Variants in TRMT13 observed in about 807,000 individuals in gnomAD.
TRMT13 encodes the protein tRNA methyltransferase 13, also known as tRNA:m(4)X modification enzyme TRM13 homolog.
A neutral mutation model predicts 55.9 loss-of-function variants in TRMT13; 45 were observed. That is an observed-to-expected ratio of 0.80 (90% CI 0.63 to 1.03). TRMT13 has a LOEUF of 1.03. Ranked by LOEUF, TRMT13 falls within the 50% of genes least tolerant of loss-of-function variation. The probability of loss-of-function intolerance (pLI) is 0.00; values close to 1 mark genes in which losing one functional copy is unlikely to be tolerated. For synonymous variants in TRMT13, 183 were observed against 196.3 expected, an observed-to-expected ratio of 0.93 and a Z score of 0.57; for missense variants, 513 against 563.9, an observed-to-expected ratio of 0.91 and a Z score of 0.91.
rs775900166 is a variant in TRMT13, at chr1:100,147,922, C to T, written c.846C>T (p.Thr282=). 6.2e-7 allele frequency: 1 copy of T among 1,609,832 alleles called. No homozygotes were observed. The highest frequency in any genetic ancestry group is 8.5e-7 in the Non-Finnish European group (1 of 1,178,218). The change falls in exon 10 of 11, where the codon ACC becomes ACT. Residue 282 remains threonine, a synonymous_variant. Coordinates refer to ENST00000370141, the MANE Select transcript of TRMT13 (RefSeq NM_019083.3). ...TTGCATTACGATGTTTGGTTGAAACCTATGCTGCCAGTTTTGAGGAAAGGA... is the reference window on the plus strand; with the variant it reads ...TTGCATTACGATGTTTGGTTGAAACTTATGCTGCCAGTTTTGAGGAAAGGA... ...TDLALRCLVE[T]YAASFEERNE... is the part of the protein sequence containing the mutation.
chr1:100,135,549 G>A (rs1655718484), intron 1 of TRMT13, among the ~76,000 whole-genome samples: 1 of 152,084 alleles, frequency 6.6e-6, no homozygotes, highest in African/African-American at 2.4e-5. Context: ...GTTTTGTTTT[G>A]TTAACTATTA....
chr1:100,144,840 CT>C (rs1557913203), intron 9 of TRMT13, among the ~76,000 whole-genome samples: 1 of 152,166 alleles, frequency 6.6e-6, no homozygotes, highest in Admixed American at 6.6e-5. Flanking sequence ...ATCTTCCTAA[CT>C]TTTGCTAGTT....
In TRMT13 at chr1:100,148,935, CT is replaced by C; in HGVS notation, c.*116del. On this transcript the variant is annotated 3_prime_UTR_variant, in exon 11 of 11. Coordinates refer to ENST00000370141, the MANE Select transcript of TRMT13 (RefSeq NM_019083.3). ...CAAATAATATGAACTTTAAAAAATG[CT>C]GTGGCCTCATTAAACTTTGGTAATA... The C allele has an allele frequency of 8.5e-7, 1 of 1,178,726 alleles. No homozygotes were observed. The highest frequency in any genetic ancestry group is 2.3e-5 in the South Asian group (1 of 42,582). 73.0% of individuals were successfully genotyped at this position (1,178,726 alleles called of 1,614,324 possible).
intron 8 of TRMT13, among the ~76,000 whole-genome samples, chr1:100,143,613 TC>T (rs1266746267): frequency 6.6e-6 from 1 of 152,120 alleles, no homozygotes; most frequent in African/African-American, 2.4e-5. Context: ...AAAAGATACT[TC>T]CTAGAATTTT....
At position 100,149,017 on chromosome 1, in the gene TRMT13, C is replaced by T. The variant is rs781269985; in HGVS notation, c.*197C>T. ...TTAGAGAATTCACCAAAGTAATCCT[C>T]TTTAGAAGGGCATCTTGAATTATAT... On this transcript the variant is annotated 3_prime_UTR_variant, in exon 11 of 11. Transcript: ENST00000370141. 1.1e-5 allele frequency: 17 copies of T among 1,550,204 alleles called. No individual in the cohort carries two copies. The South Asian group carries it at 2.0e-4, about 18-fold the overall frequency.
intron 3 of TRMT13, among the ~76,000 whole-genome samples, chr1:100,137,351 A>G (rs1570731697): frequency 6.6e-6 from 1 of 151,832 alleles, no homozygotes; most frequent in Non-Finnish European, 1.5e-5. Flanking sequence ...AAACGACACC[A>G]CACCTGGCTT....
intron 3 of TRMT13, among the ~76,000 whole-genome samples, chr1:100,138,956 GTGTT>G (rs781408521): frequency 3.9e-5 from 6 of 152,088 alleles, no homozygotes; most frequent in Non-Finnish European, 7.4e-5. Flanking sequence ...TTCATTATGT[GTGTT>G]TGTTTGTTTC....
chr1:100,139,918 A>C (rs187957936), intron 4 of TRMT13, among the ~76,000 whole-genome samples: 1 of 152,286 alleles, frequency 6.6e-6, no homozygotes, highest in East Asian at 1.9e-4. Flanking sequence ...TATGGCCCTG[A>C]ATCCCCTTTG....
intron 5 of TRMT13, 65 bp downstream of exon 5, chr1:100,140,316 C>A: frequency 6.4e-7 from 1 of 1,556,294 alleles, no homozygotes; most frequent in Non-Finnish European, 8.8e-7. Flanking sequence ...TGAGTTGATA[C>A]CATTCTGGTT....
chr1:100,141,612 G>C (rs1656647944), intron 7 of TRMT13, among the ~76,000 whole-genome samples: 3 of 152,178 alleles, frequency 2.0e-5, no homozygotes, highest in African/African-American at 7.2e-5. Context: ...AATTACAAGT[G>C]TGAGCCACTG....
Position 100,149,025 on chromosome 1 carries a change from G to A in TRMT13, c.*205G>A. The A allele has an allele frequency of 1.9e-6, 3 of 1,555,998 alleles. No homozygotes were observed. The highest frequency in any genetic ancestry group is 2.6e-6 in the Non-Finnish European group (3 of 1,155,664). On this transcript the variant is annotated 3_prime_UTR_variant, in exon 11 of 11. Transcript: ENST00000370141. Reference sequence around the variant, plus strand: ...TTCACCAAAGTAATCCTCTTTAGAAGGGCATCTTGAATTATATTATCCATC... The same window carrying A: ...TTCACCAAAGTAATCCTCTTTAGAAAGGCATCTTGAATTATATTATCCATC...
In TRMT13 at chr1:100,148,168, C is replaced by G. The variant is rs766787107; in HGVS notation, c.1092C>G (p.Phe364Leu). ...TTGGAGCAGTGGAATTCCATTATTT[C>G]CAGCGAATGAGTAGTTGGGCAACTT... ...LGLGAVEFHYFQRMSSWATCG... is the reference protein window; with the variant it reads ...LGLGAVEFHYLQRMSSWATCG... Residue 364 changes from phenylalanine to leucine, a missense_variant, in exon 10 of 11, where the codon TTC becomes TTG. Coordinates refer to ENST00000370141, the MANE Select transcript of TRMT13 (RefSeq NM_019083.3). 2.5e-6 allele frequency: 4 copies of G among 1,614,020 alleles called. No individual in the cohort carries two copies. Among genetic ancestry groups the G allele is most frequent in the African/African-American group, 1.3e-5 (1 of 74,908 alleles).
Position 100,140,981 on chromosome 1 carries a change from C to G in TRMT13, c.631C>G (p.His211Asp). Reference protein sequence around the residue: ...DIALKDAEKVHFILVEKVTTR... With the variant: ...DIALKDAEKVDFILVEKVTTR... ...TGCCTTAAAAGATGCTGAAAAAGTT[C>G]ACTTCATCCTAGTGGAAAAGGTGAC... Residue 211 changes from histidine to aspartate, a missense_variant, in exon 7 of 11, where the codon CAC (histidine) becomes GAC (aspartate). His to Asp is a moderately conservative substitution (Grantham distance 81). Around this residue, in one of 3 missense-constraint regions of TRMT13, gnomAD observed 298 missense variants for 290.3 expected, o/e 1.03. Transcript: ENST00000370141. The G allele has an allele frequency of 1.2e-6, 2 of 1,613,372 alleles. No individual in the cohort carries two copies. Among genetic ancestry groups the G allele is most frequent in the Non-Finnish European group, 1.7e-6 (2 of 1,179,630 alleles).
At chr1:100,137,367 T>C (rs943029901) in intron 3 of TRMT13, among the ~76,000 whole-genome samples, 2 of 152,096 alleles carry the variant, frequency 1.3e-5, no homozygotes, top group Non-Finnish European at 2.9e-5. Context: ...GGCTTATTTT[T>C]TTATTTTTTT....
intron 7 of TRMT13, among the ~76,000 whole-genome samples, chr1:100,142,066 T>G (rs1382858908): frequency 6.6e-6 from 1 of 152,170 alleles, no homozygotes; most frequent in African/African-American, 2.4e-5. Context: ...AAAAAAGATT[T>G]AGTTCTTGGC....
At chr1:100,146,088 T>C (rs1657212569) in intron 9 of TRMT13, among the ~76,000 whole-genome samples, 1 of 152,180 alleles carries the variant, frequency 6.6e-6, no homozygotes, top group African/African-American at 2.4e-5. Flanking sequence ...ATTTCTACTA[T>C]ATCTGGAATT....
chr1:100,141,607 C>T (rs1044519075), intron 7 of TRMT13, among the ~76,000 whole-genome samples: 2 of 152,170 alleles, frequency 1.3e-5, no homozygotes, highest in Non-Finnish European at 2.9e-5. Flanking sequence ...GCTGGAATTA[C>T]AAGTGTGAGC....
chr1:100,145,078 AC>A (rs1229947054), intron 9 of TRMT13, among the ~76,000 whole-genome samples: 1 of 152,202 alleles, frequency 6.6e-6, no homozygotes, highest in African/African-American at 2.4e-5. Context: ...ATACACAAAT[AC>A]CATTGTGTTA....
chr1:100,143,447 TAA>T (rs1161819066), intron 8 of TRMT13, among the ~76,000 whole-genome samples: 1 of 152,224 alleles, frequency 6.6e-6, no homozygotes, highest in Admixed American at 6.5e-5. Flanking sequence ...GGGAAGAGTT[TAA>T]AAGTTTTATA....
Sources: gnomAD v4.1 joint callset for allele counts (sites outside exome capture counted in the v4.1 genomes callset) on GRCh38, gnomAD v4.1.1 for gene constraint, gnomAD v4.1.1 regional missense constraint, MANE v1.5 for transcripts, NCBI Gene and HGNC (gene_info 2026-07-23, HGNC 2026-07-21) for gene names.